Variants in TCN2 observed in about 807,000 individuals in gnomAD.
TCN2 encodes transcobalamin 2.
Under a neutral mutation model 48.6 loss-of-function variants are expected in TCN2, and 34 were observed. The observed-to-expected ratio is 0.70, with a 90% CI of 0.53 to 0.93. The LOEUF (loss-of-function observed/expected upper bound fraction) is 0.93, where lower values mean the gene tolerates loss of function less well. Among genes scored for constraint, TCN2 ranks in the 40% least tolerant of loss-of-function variants. The pLI is 0.00. For missense variants in TCN2, 652 were observed against 526.1 expected (o/e 1.24, Z -2.34); for synonymous variants, 283 against 212.5 (o/e 1.33, Z -2.89).
intron 7 of TCN2, among the ~76,000 whole-genome samples, chr22:30,619,097 G>C (rs2087659018): frequency 6.6e-6 from 1 of 152,044 alleles, no homozygotes; most frequent in African/African-American, 2.4e-5. Context: ...TTTTATTTGA[G>C]ACAGGGTCTT....
chr22:30,623,875 C>CACATATATATGTAT lies in TCN2; in HGVS notation c.1222+801_1222+802insTGTATACATATATA, dbSNP rs2087750158. 5.3e-5 allele frequency among the ~76,000 whole-genome samples: 2 copies of CACATATATATGTAT among 37,470 alleles called. 1 individual carries two copies. The highest frequency in any genetic ancestry group is 9.0e-5 in the Non-Finnish European group (2 of 22,234). The allele number at this position is 37,470 out of a possible 152,430, so 24.6% of individuals were successfully genotyped here. ...ACACATACATACACACATATATACA[C>CACATATATATGTAT]ACATATATACACACATATATATGTA... is the stretch of plus-strand genomic sequence containing the variant. On this transcript the variant is annotated intron_variant, in intron 8 of 8. Transcript: ENST00000215838.
intron 4 of TCN2, among the ~76,000 whole-genome samples, chr22:30,615,006 C>T (rs1461340776): frequency 6.6e-6 from 1 of 152,206 alleles, no homozygotes; most frequent in Non-Finnish European, 1.5e-5. Flanking sequence ...TCTTGGGCCT[C>T]CCTCCTCCAG....
rs1180349663 is a variant in TCN2, at chr22:30,611,038, C to T, written c.232C>T (p.Leu78Phe). ...KEDLYLHSLK[L>F]GYQQCLLGSA... ...AGACCTCTACCTGCACAGCCTCAAG[C>T]TTGGTTACCAGCAGTGCCTCCTAGG... Residue 78 changes from leucine to phenylalanine, a missense_variant, in exon 2 of 9, where the codon CTT (leucine) becomes TTT (phenylalanine). Physicochemically the swap from Leu to Phe is conservative, Grantham distance 22 (BLOSUM62 0). Coordinates refer to ENST00000215838, the MANE Select transcript of TCN2 (RefSeq NM_000355.4). 9 of 1,614,144 alleles carry T rather than the reference C, an allele frequency of 5.6e-6. No individual in the cohort carries two copies. In the East Asian group the frequency reaches 1.6e-4, roughly 28 times the overall value.
chr22:30,617,225 A>G (rs949384125), intron 6 of TCN2, 105 bp from the exon 7 acceptor site: 18 of 1,497,392 alleles, frequency 1.2e-5, no homozygotes, highest in East Asian at 2.3e-5. Context: ...AGATGAGGAC[A>G]TGGGGAAGGA....
At chr22:30,620,601 G>C (rs1284146959) in intron 7 of TCN2, among the ~76,000 whole-genome samples, 2 of 152,260 alleles carry the variant, frequency 1.3e-5, no homozygotes, top group African/African-American at 4.8e-5. Flanking sequence ...AGTGCCCTTG[G>C]GAGGGCTCAG....
intron 6 of TCN2, among the ~76,000 whole-genome samples, chr22:30,616,479 C>T (rs2087614029): frequency 7.8e-6 from 1 of 127,620 alleles, no homozygotes; most frequent in African/African-American, 3.2e-5. Flanking sequence ...CAGAGTAAGA[C>T]TATGTCTCAA....
Position 30,614,350 on chromosome 22 carries a change from G to A in TCN2, c.429G>A (p.Gly143=), listed in dbSNP as rs866432912. 1.2e-6 allele frequency: 2 copies of A among 1,614,102 alleles called. No individual in the cohort carries two copies. Among genetic ancestry groups the A allele is most frequent in the East Asian group, 2.2e-5 (1 of 44,868 alleles). ...WFLEDEKRAI[G]HDHKGHPHTS... ...CCCCTCTGTTTTTTTCCCTCTCAGG[G>A]CATGATCACAAGGGCCACCCCCACA... Residue 143 remains glycine, a splice_region_variant and synonymous_variant, in exon 4 of 9, where the codon GGG becomes GGA. Transcript: ENST00000215838.
At chr22:30,625,473 T>A (rs1445721953) in intron 8 of TCN2, among the ~76,000 whole-genome samples, 1 of 152,096 alleles carries the variant, frequency 6.6e-6, no homozygotes, top group Non-Finnish European at 1.5e-5. Flanking sequence ...TTAAAAATTT[T>A]TTTTTTTGAG....
intron 1 of TCN2, among the ~76,000 whole-genome samples, chr22:30,608,098 A>G (rs1195613774): frequency 6.6e-6 from 1 of 152,196 alleles, no homozygotes; most frequent in African/African-American, 2.4e-5. Flanking sequence ...GTCTGAGCTT[A>G]GAGGCTCAGG....
chr22:30,608,778 G>A (rs545870989), intron 1 of TCN2, among the ~76,000 whole-genome samples: 4 of 152,272 alleles, frequency 2.6e-5, no homozygotes, highest in East Asian at 1.9e-4. Context: ...GTTCATGTCC[G>A]GACAGTCCCC....
chr22:30,621,867 C>G (rs895107015), intron 7 of TCN2, among the ~76,000 whole-genome samples: 14 of 152,226 alleles, frequency 9.2e-5, no homozygotes, highest in African/African-American at 3.4e-4. Context: ...TCAGCTCTGC[C>G]CCGCTCTCCT....
At chr22:30,619,624 C>T (rs183368743) in intron 7 of TCN2, among the ~76,000 whole-genome samples, 1 of 152,242 alleles carries the variant, frequency 6.6e-6, no homozygotes, top group Non-Finnish European at 1.5e-5. Flanking sequence ...TCACGCACAC[C>T]ACAGACTTCT....
In TCN2 at chr22:30,626,647, C is replaced by G; in HGVS notation, c.*126C>G. On this transcript the variant is annotated 3_prime_UTR_variant, in exon 9 of 9. Coordinates refer to ENST00000215838, the MANE Select transcript of TCN2 (RefSeq NM_000355.4). ...CTCCTGTGCACTTTGAGCAATGCCC[C>G]CTGGGATCACCCCAGCCACAAGCCC... 9.6e-7 allele frequency: 1 copy of G among 1,043,448 alleles called. No homozygotes were observed. The highest frequency in any genetic ancestry group is 1.5e-6 in the Non-Finnish European group (1 of 685,210). 64.6% of individuals were successfully genotyped at this position (1,043,448 alleles called of 1,614,324 possible). A position where few individuals can be genotyped will look rare whatever the true frequency, so the allele number is the denominator to read the frequency against.
chr22:30,609,147 CTCTT>C (rs909518392), intron 1 of TCN2, among the ~76,000 whole-genome samples: 18 of 151,542 alleles, frequency 1.2e-4, no homozygotes, highest in Middle Eastern at 3.2e-3. Context: ...GCTTCCTTTT[CTCTT>C]TCTTCTTCTT....
Position 30,613,037 on chromosome 22 carries a change from C to A in TCN2, c.422C>A (p.Ala141Asp). The stretch of plus-strand genomic sequence containing the variant: ...TGGTTCCTGGAGGATGAGAAGAGAG[C>A]CATTGGTGAGCAGACACCATCCGCT... ...LKWFLEDEKRAIGHDHKGHPH... is the reference protein window; with the variant it reads ...LKWFLEDEKRDIGHDHKGHPH... The change falls in exon 3 of 9, where the codon GCC (alanine) becomes GAC (aspartate). Residue 141 changes from alanine to aspartate, a missense_variant. Coordinates refer to ENST00000215838, the MANE Select transcript of TCN2 (RefSeq NM_000355.4). 1 of 1,613,898 alleles carries A rather than the reference C, an allele frequency of 6.2e-7. No homozygotes were observed. The highest frequency in any genetic ancestry group is 8.5e-7 in the Non-Finnish European group (1 of 1,179,904).
chr22:30,609,202 A>G (rs902686602), intron 1 of TCN2, among the ~76,000 whole-genome samples: 4 of 148,216 alleles, frequency 2.7e-5, no homozygotes, highest in Admixed American at 6.7e-5. Context: ...AGGTCTCACT[A>G]TATTGCCCAG....
chr22:30,623,965 C>CACACACACATATGTATACATATAT lies in TCN2; in HGVS notation c.1222+889_1222+890insCATATGTATACATATATACACACA, dbSNP rs1602057159. Among the ~76,000 whole-genome samples the CACACACACATATGTATACATATAT allele has an allele frequency of 7.0e-4, 13 of 18,548 alleles. 5 individuals carry two copies. The highest frequency in any genetic ancestry group is 1.7e-3 in the African/African-American group (3 of 1,786). The allele number at this position is 18,548 out of a possible 152,430, so 12.2% of individuals were successfully genotyped here. ...ACACACACATATGTATACATATATA[C>CACACACACATATGTATACATATAT]ACACACATATATATGTATACATATA... On this transcript the variant is annotated intron_variant, in intron 8 of 8. Transcript: ENST00000215838.
Position 30,615,773 on chromosome 22 carries a change from G to C in TCN2, c.926G>C (p.Cys309Ser), listed in dbSNP as rs1396153308. 1.2e-6 allele frequency: 2 copies of C among 1,614,186 alleles called. No homozygotes were observed. The highest frequency in any genetic ancestry group is 1.6e-4 in the Middle Eastern group (1 of 6,062). Residue 309 changes from cysteine (C) to serine (S), a missense_variant, in exon 6 of 9, where the codon TGT becomes TCT. Cys to Ser is a moderately radical substitution (Grantham distance 112, BLOSUM62 -1). Transcript: ENST00000215838. The stretch of plus-strand genomic sequence containing the variant: ...TACATTGATCTGATCTTCCCAGACT[G>C]TCTGGCACCACGAGGTAGCCCAACT... ...KTYIDLIFPDCLAPRVMLEPA... is the reference protein window; with the variant it reads ...KTYIDLIFPDSLAPRVMLEPA...
chr22:30,612,895 G>C lies in TCN2; in HGVS notation c.280G>C (p.Gly94Arg), dbSNP rs11557600. ...TAGGTCTGCCTTCAGCGAGGATGAC[G>C]GTGACTGCCAGGGCAAGCCTTCCAT... ...LLGSAFSEDDGDCQGKPSMGQ... is the reference protein window; with the variant it reads ...LLGSAFSEDDRDCQGKPSMGQ... Residue 94 changes from glycine to arginine, a missense_variant, in exon 3 of 9, where the codon GGT becomes CGT. Coordinates refer to ENST00000215838, the MANE Select transcript of TCN2 (RefSeq NM_000355.4). 3.1e-6 allele frequency: 5 copies of C among 1,613,836 alleles called. No homozygotes were observed. Among genetic ancestry groups the C allele is most frequent in the Non-Finnish European group, 4.2e-6 (5 of 1,180,034 alleles).
Sources: allele counts gnomAD v4.1 joint callset (sites outside exome capture counted in the v4.1 genomes callset), GRCh38; gene constraint gnomAD v4.1.1; transcripts MANE v1.5; gene names NCBI Gene and HGNC (gene_info 2026-07-23, HGNC 2026-07-21).